Variants in TJP2 observed in about 807,000 individuals in gnomAD.
TJP2 encodes the protein tight junction protein 2.
Under a neutral mutation model 133.1 loss-of-function variants are expected in TJP2, and 91 were observed. The ratio of observed to expected loss-of-function variants is 0.68; its 90% confidence interval spans 0.58 to 0.81. TJP2 has a LOEUF of 0.81. Among genes scored for constraint, TJP2 ranks in the 40% least tolerant of loss-of-function variants. The pLI is 0.00. For synonymous variants in TJP2, 592 were observed against 583.4 expected, an observed-to-expected ratio of 1.01 and a Z score of -0.21; for missense variants, 1,541 against 1,565.6, an observed-to-expected ratio of 0.98 and a Z score of 0.26.
chr9:69,194,107 T>C (rs935799219), intron 1 of TJP2, among the ~76,000 whole-genome samples: 2 of 152,202 alleles, frequency 1.3e-5, no homozygotes, highest in African/African-American at 4.8e-5. Flanking sequence ...TTTCAAAGTA[T>C]CAATTTACTA....
At chr9:69,216,249 G>A in intron 2 of TJP2, 90 bp from the exon 3 acceptor site, 1 of 1,508,826 alleles carries the variant, frequency 6.6e-7, no homozygotes. Context: ...TCTGGTTATT[G>A]ATTTGACCTT....
intron 1 of TJP2, among the ~76,000 whole-genome samples, chr9:69,131,512 A>G (rs1056352691): frequency 3.3e-5 from 5 of 152,218 alleles, no homozygotes; most frequent in African/African-American, 7.2e-5. Context: ...AGGAATCCTC[A>G]TTGCGTCTGA....
At chr9:69,214,591 G>C (rs894752254) in intron 2 of TJP2, among the ~76,000 whole-genome samples, 12 of 152,050 alleles carry the variant, frequency 7.9e-5, no homozygotes, top group African/African-American at 2.9e-4. Flanking sequence ...GTTACGGGCC[G>C]GGCGCAGTAG....
intron 22 of TJP2, 95 bp downstream of exon 22, chr9:69,252,995 CAGG>C: frequency 1.7e-6 from 2 of 1,186,514 alleles, no homozygotes; most frequent in Non-Finnish European, 2.5e-6. Flanking sequence ...TTCAGAGTAA[CAGG>C]AGGATTTTTT....
chr9:69,237,968 C>T lies in TJP2; in HGVS notation c.2270C>T (p.Thr757Ile), dbSNP rs189443180. The T allele has an allele frequency of 7.9e-5, 127 of 1,611,122 alleles. No homozygotes were observed. In the East Asian group the frequency reaches 2.7e-3, roughly 34 times the overall value. The change falls in exon 15 of 23, where the codon ACT (threonine) becomes ATT (isoleucine). Residue 757 changes from threonine (T) to isoleucine (I), a missense_variant. Thr to Ile is a moderately conservative substitution (Grantham distance 89). Transcript: ENST00000377245. ...LANELPDWFQ[T>I]AKTEPKDAGS... is the part of the protein sequence containing the mutation. ...AATGAGTTACCTGACTGGTTTCAAACTGCTAGTAAGTCTGTCAGTGTTTTT... is the reference window on the plus strand; with the variant it reads ...AATGAGTTACCTGACTGGTTTCAAATTGCTAGTAAGTCTGTCAGTGTTTTT...
rs750758555 is a variant in TJP2, at chr9:69,249,448, A to G, written c.2954A>G (p.Asn985Ser). Residue 985 changes from asparagine (N) to serine (S), a missense_variant, in exon 20 of 23, where the codon AAT becomes AGT. Transcript: ENST00000377245. ...RAASSDQLRDNSPPPAFKPEP... is the reference protein window; with the variant it reads ...RAASSDQLRDSSPPPAFKPEP... The stretch of plus-strand genomic sequence containing the variant: ...GCTAGCAGCGATCAACTTAGGGACA[A>G]TAGCCCGCCCCCAGCATTCAAGCCA... The G allele has an allele frequency of 3.1e-6, 5 of 1,610,718 alleles. No homozygotes were observed. Among genetic ancestry groups the G allele is most frequent in the Admixed American group, 3.3e-5 (2 of 59,710 alleles).
intron 11 of TJP2, among the ~76,000 whole-genome samples, chr9:69,231,549 G>C (rs749028523): frequency 6.6e-6 from 1 of 151,974 alleles, no homozygotes; most frequent in Non-Finnish European, 1.5e-5. Flanking sequence ...GGAGAGGGGA[G>C]AAAAAAGTTC....
chr9:69,236,156 C>T lies in TJP2; in HGVS notation c.1909C>T (p.Leu637=), dbSNP rs768326584. ...RGEVFRVVDT[L]YDGKLGNWLA... ...GGAGGTCTTCCGAGTGGTAGACACA[C>T]TGTATGACGGCAAGCTGGGCAACTG... The change falls in exon 13 of 23, where the codon CTG becomes TTG. Residue 637 remains leucine (L), a synonymous_variant. Coordinates refer to ENST00000377245, the MANE Select transcript of TJP2 (RefSeq NM_004817.4). 16 of 1,614,184 alleles carry T rather than the reference C, an allele frequency of 9.9e-6. No individual in the cohort carries two copies. The highest frequency in any genetic ancestry group is 1.4e-5 in the Non-Finnish European group (16 of 1,180,032).
chr9:69,142,251 A>T (rs1316191630), intron 1 of TJP2, among the ~76,000 whole-genome samples: 1 of 152,220 alleles, frequency 6.6e-6, no homozygotes, highest in African/African-American at 2.4e-5. Context: ...GTTGAAGGTA[A>T]TAGTTTAAAC....
At chr9:69,169,689 C>G (rs1345681025), upstream of TJP2, among the ~76,000 whole-genome samples, 7 of 151,992 alleles carry the variant, frequency 4.6e-5, no homozygotes, top group Non-Finnish European at 5.9e-5. Flanking sequence ...TGTTAGTTTT[C>G]TTTGCTCCCA....
At chr9:69,148,965 C>A (rs1251691112) in intron 1 of TJP2, among the ~76,000 whole-genome samples, 1 of 152,130 alleles carries the variant, frequency 6.6e-6, no homozygotes, top group Non-Finnish European at 1.5e-5. Context: ...AAATACCCAG[C>A]CACCTATGAA....
chr9:69,251,031 G>T lies in TJP2; in HGVS notation c.2992-4G>T. ...GGGTGAAAACGTGTCATTGCTCTCC[G>T]CAGGCCAAAACCCAGAACAAAGAAG... On this transcript the variant is annotated splice_region_variant and splice_polypyrimidine_tract_variant and intron_variant, in intron 20 of 22. Coordinates refer to ENST00000377245, the MANE Select transcript of TJP2 (RefSeq NM_004817.4). The T allele has an allele frequency of 1.9e-6, 3 of 1,613,860 alleles. No individual in the cohort carries two copies. Among genetic ancestry groups the T allele is most frequent in the Admixed American group, 1.7e-5 (1 of 60,016 alleles).
At chr9:69,185,757 A>AT (rs1825813763) in intron 1 of TJP2, among the ~76,000 whole-genome samples, 1 of 152,024 alleles carries the variant, frequency 6.6e-6, no homozygotes, top group Non-Finnish European at 1.5e-5. Context: ...GAGATGGAAG[A>AT]TTTTTATCAT....
chr9:69,165,510 A>C (rs2132876581), intron 2 of TJP2, among the ~76,000 whole-genome samples: 1 of 152,200 alleles, frequency 6.6e-6, no homozygotes, highest in South Asian at 2.1e-4. Flanking sequence ...TTCACGTATA[A>C]AGCAGGGGCA....
rs979719219 is a variant in TJP2, at chr9:69,159,911, G to A, written c.-10+8140G>A. Among the ~76,000 whole-genome samples the A allele has an allele frequency of 1.4e-3, 212 of 149,676 alleles. 1 individual carries two copies. The highest frequency in any genetic ancestry group is 4.7e-3 in the African/African-American group (193 of 40,888). ...AATATATACATATATATATATATGTGTGTGTGTGTGTTTCTTTTTTTTTCC... is the reference window on the plus strand; with the variant it reads ...AATATATACATATATATATATATGTATGTGTGTGTGTTTCTTTTTTTTTCC... On this transcript the variant is annotated intron_variant, in intron 2 of 5. Coordinates refer to the TJP2 transcript ENST00000423935.
intron 22 of TJP2, 30 bp downstream of exon 22, chr9:69,252,930 A>G (rs755558802): frequency 6.2e-7 from 1 of 1,603,896 alleles, no homozygotes; most frequent in African/African-American, 1.3e-5. Flanking sequence ...TACAGGTCTA[A>G]GGCGGGGACT....
At chr9:69,235,987 G>T (rs371259110) in intron 12 of TJP2, 41 bp from the exon 13 acceptor site, 3 of 1,594,244 alleles carry the variant, frequency 1.9e-6, no homozygotes, top group Admixed American at 1.7e-5. Flanking sequence ...ACTGTAACTT[G>T]TACTAAGCTG....
At chr9:69,188,237 G>A (rs1485800665) in intron 1 of TJP2, among the ~76,000 whole-genome samples, 1 of 152,090 alleles carries the variant, frequency 6.6e-6, no homozygotes, top group African/African-American at 2.4e-5. Flanking sequence ...TAGCAAAGCT[G>A]GGGAAGGAGA....
chr9:69,174,129 G>A, upstream of TJP2: 1 of 1,229,372 alleles, frequency 8.1e-7, no homozygotes, highest in South Asian at 3.4e-5. Context: ...GGGTGGTAGC[G>A]GCCAATTTGA....
Sources: gnomAD v4.1 joint callset for allele counts (sites outside exome capture counted in the v4.1 genomes callset) on GRCh38, gnomAD v4.1.1 for gene constraint, MANE v1.5 for transcripts, NCBI Gene and HGNC (gene_info 2026-07-23, HGNC 2026-07-21) for gene names.